PPP2R2B: variants seen among roughly 807,000 people sequenced by gnomAD.
The protein encoded by PPP2R2B is protein phosphatase 2 regulatory subunit Bbeta, also known as serine/threonine-protein phosphatase 2A 55 kDa regulatory subunit B beta isoform.
PPP2R2B carries 5 observed loss-of-function variants against 46.0 expected under a neutral mutation model. The observed-to-expected ratio is 0.11, with a 90% CI of 0.06 to 0.23. The LOEUF is 0.23. Among genes scored for constraint, PPP2R2B ranks in the 10% least tolerant of loss-of-function variants. The pLI, the probability that PPP2R2B is intolerant of heterozygous loss-of-function variation, is 1.00. For missense variants in PPP2R2B, 367 were observed against 575.0 expected (o/e 0.64, Z 3.70); for synonymous variants, 215 against 206.7 (o/e 1.04, Z -0.34).
intron 1 of PPP2R2B, among the ~76,000 whole-genome samples, chr5:146,920,933 G>T (rs143780484): frequency 6.6e-6 from 1 of 152,184 alleles, no homozygotes; most frequent in Non-Finnish European, 1.5e-5. Flanking sequence ...TCTTTGGAGA[G>T]AATTAAAATG....
At chr5:146,669,229 G>A (rs1777191020) in intron 5 of PPP2R2B, among the ~76,000 whole-genome samples, 1 of 152,050 alleles carries the variant, frequency 6.6e-6, no homozygotes, top group Admixed American at 6.6e-5. Context: ...CATTTAATAT[G>A]TGAATTCAAC....
chr5:147,007,177 G>C (rs774674884), intron 1 of PPP2R2B, among the ~76,000 whole-genome samples: 1 of 152,106 alleles, frequency 6.6e-6, no homozygotes, highest in Non-Finnish European at 1.5e-5. Flanking sequence ...TTCCCATCCG[G>C]AGGACACTAC....
chr5:146,708,937 C>G (rs1244032440), intron 2 of PPP2R2B, among the ~76,000 whole-genome samples: 1 of 152,112 alleles, frequency 6.6e-6, no homozygotes, highest in Non-Finnish European at 1.5e-5. Flanking sequence ...ACCTTCTTAA[C>G]TTGACACTGC....
At chr5:147,038,811 G>A (rs1756160683) in intron 1 of PPP2R2B, among the ~76,000 whole-genome samples, 1 of 152,150 alleles carries the variant, frequency 6.6e-6, no homozygotes, top group African/African-American at 2.4e-5. Flanking sequence ...ATCCAGGATT[G>A]AACCCAGGTG....
chr5:146,749,207 G>C (rs935826448), intron 2 of PPP2R2B, among the ~76,000 whole-genome samples: 3 of 152,012 alleles, frequency 2.0e-5, no homozygotes, highest in African/African-American at 7.2e-5. Flanking sequence ...TATCGTCTTT[G>C]GTGAAATATC....
rs377471418 is a variant in PPP2R2B at position 146,884,405 on chromosome 5, TGTGA to T, written c.79+171256_79+171259del. Reference sequence around the variant, plus strand: ...GGTTATGAAATTGCCATGGTAGACTTGTGAGTAATTGCTTTTATAGGGCTCCTAG... The same window carrying T: ...GGTTATGAAATTGCCATGGTAGACTTGTAATTGCTTTTATAGGGCTCCTAG... On this transcript the variant is annotated intron_variant, in intron 1 of 8. Transcript: ENST00000336640. Among the ~76,000 whole-genome samples the T allele has an allele frequency of 1.3e-4, 20 of 152,282 alleles. No homozygotes were observed. The South Asian group carries it at 4.1e-3, about 32-fold the overall frequency.
chr5:146,990,790 G>T (rs1165225839), intron 1 of PPP2R2B, among the ~76,000 whole-genome samples: 1 of 151,934 alleles, frequency 6.6e-6, no homozygotes, highest in Admixed American at 6.6e-5. Flanking sequence ...ATATGGAGGG[G>T]TTGTTGCAAA....
intron 1 of PPP2R2B, among the ~76,000 whole-genome samples, chr5:146,951,185 T>G (rs1301972779): frequency 6.6e-6 from 1 of 152,062 alleles, no homozygotes; most frequent in Non-Finnish European, 1.5e-5. Flanking sequence ...TTGTTTGTTT[T>G]TTTTTAATAT....
chr5:147,072,969 T>C (rs1245778982), intron 2 of PPP2R2B, among the ~76,000 whole-genome samples: 1 of 152,120 alleles, frequency 6.6e-6, no homozygotes, highest in Non-Finnish European at 1.5e-5. Context: ...GTGGGTTGGG[T>C]GACTTACTCT....
chr5:146,595,768 A>G (rs1336839276), intron 8 of PPP2R2B, among the ~76,000 whole-genome samples: 1 of 152,224 alleles, frequency 6.6e-6, no homozygotes. Flanking sequence ...CAACCTCTAG[A>G]GCTTGGAGCA....
At chr5:146,763,184 G>A (rs147017554) in intron 2 of PPP2R2B, among the ~76,000 whole-genome samples, 40 of 152,302 alleles carry the variant, frequency 2.6e-4, no homozygotes, top group African/African-American at 9.4e-4. Flanking sequence ...CATCCAAAGT[G>A]CTTTTGCTCC....
intron 2 of PPP2R2B, among the ~76,000 whole-genome samples, chr5:146,839,734 C>T (rs1759513783): frequency 6.6e-6 from 1 of 152,166 alleles, no homozygotes; most frequent in South Asian, 2.1e-4. Flanking sequence ...AGTCTGAAAA[C>T]TGGAATGATA....
intron 1 of PPP2R2B, among the ~76,000 whole-genome samples, chr5:147,029,810 T>A (rs939032009): frequency 2.0e-5 from 3 of 152,110 alleles, no homozygotes; most frequent in African/African-American, 7.2e-5. Context: ...GAAGAGAGGC[T>A]TCACCAGAAA....
At chr5:146,897,159 G>A (rs956079009) in intron 1 of PPP2R2B, among the ~76,000 whole-genome samples, 10 of 152,138 alleles carry the variant, frequency 6.6e-5, no homozygotes, top group Non-Finnish European at 1.2e-4. Context: ...ACAGGTAAGT[G>A]GAGGAATGAT....
chr5:146,901,400 G>A (rs1183177334), intron 1 of PPP2R2B, among the ~76,000 whole-genome samples: 1 of 152,040 alleles, frequency 6.6e-6, no homozygotes, highest in Non-Finnish European at 1.5e-5. Flanking sequence ...AGCTACTTGG[G>A]GGACTGAGGT....
chr5:146,982,633 C>T (rs1047340220), intron 1 of PPP2R2B, among the ~76,000 whole-genome samples: 2 of 152,086 alleles, frequency 1.3e-5, no homozygotes, highest in South Asian at 2.1e-4. Context: ...AAGGGGTTGT[C>T]GAAGTCTCCA....
chr5:146,675,610 G>A (rs1777657748), intron 5 of PPP2R2B, among the ~76,000 whole-genome samples: 1 of 152,194 alleles, frequency 6.6e-6, no homozygotes, highest in African/African-American at 2.4e-5. Flanking sequence ...GAAAGCCTTG[G>A]TGGCTGCTAT....
In PPP2R2B at chr5:146,878,297, C is replaced by A. The variant is rs1762021873; in HGVS notation, c.-124-102G>T. 3 of 1,455,934 alleles carry A rather than the reference C, an allele frequency of 2.1e-6. No individual in the cohort carries two copies. The highest frequency in any genetic ancestry group is 2.5e-5 in the Admixed American group (1 of 39,498). 90.2% of individuals were successfully genotyped at this position (1,455,934 alleles called of 1,614,324 possible). A position where few individuals can be genotyped will look rare whatever the true frequency, so the allele number is the denominator to read the frequency against. The stretch of plus-strand genomic sequence containing the variant: ...TCTGCGAGGCTGCGGCGGCTCCTCC[C>A]GCGCGGTGCGCTCACTCCAGCTCCA... On this transcript the variant is annotated intron_variant, in intron 1 of 9. Coordinates refer to ENST00000394411, the MANE Select transcript of PPP2R2B (RefSeq NM_181675.4). The surrounding 1 kb of genome is among the most constrained non-coding windows in gnomAD (Gnocchi z 4.5).
intron 1 of PPP2R2B, among the ~76,000 whole-genome samples, chr5:146,925,710 T>C (rs1763760789): frequency 6.6e-6 from 1 of 152,178 alleles, no homozygotes; most frequent in Non-Finnish European, 1.5e-5. Context: ...GTTTTGGCCA[T>C]TATTTTTTCA....
Sources: gnomAD v4.1 joint callset for allele counts (sites outside exome capture counted in the v4.1 genomes callset) on GRCh38, gnomAD v4.1.1 for gene constraint, Gnocchi (gnomAD v3.1) non-coding constraint, MANE v1.5 for transcripts, NCBI Gene and HGNC (gene_info 2026-07-23, HGNC 2026-07-21) for gene names.